GPT2: variants seen among roughly 807,000 people sequenced by gnomAD.
GPT2 encodes the protein alanine aminotransferase 2.
Under a neutral mutation model 56.9 loss-of-function variants are expected in GPT2, and 30 were observed. That is an observed-to-expected ratio of 0.53 (90% CI 0.39 to 0.72). The LOEUF is 0.72. Among genes scored for constraint, GPT2 ranks in the 30% least tolerant of loss-of-function variants. The probability of loss-of-function intolerance (pLI) is 0.00; values close to 1 mark genes in which losing one functional copy is unlikely to be tolerated. For synonymous variants in GPT2, 271 were observed against 283.1 expected (o/e 0.96, Z 0.43); for missense variants, 542 against 703.4 (o/e 0.77, Z 2.60).
intron 11 of GPT2, 102 bp from the exon 12 acceptor site, chr16:46,928,805 G>A (rs1961470214): frequency 4.7e-6 from 4 of 842,162 alleles, no homozygotes; most frequent in South Asian, 2.8e-5. Context: ...AGCAGACCAG[G>A]CAGACCTCCC....
rs1039209618 is a variant in GPT2, at chr16:46,884,403, G to A, written c.-87G>A. The A allele has an allele frequency of 8.6e-5, 19 of 219,844 alleles. No homozygotes were observed. Among genetic ancestry groups the A allele is most frequent in the African/African-American group, 3.9e-4 (17 of 43,630 alleles). The allele number at this position is 219,844 out of a possible 1,614,324, so 13.6% of individuals were successfully genotyped here. A position where few individuals can be genotyped will look rare whatever the true frequency, so the allele number is the denominator to read the frequency against. On this transcript the variant is annotated 5_prime_UTR_variant, in exon 1 of 12. Coordinates refer to ENST00000340124, the MANE Select transcript of GPT2 (RefSeq NM_133443.4). ...GCGGGGATGCGGCTGTGGGCGCCGG[G>A]GCCGGGTAGCTGCTCCAGGCGCGCG...
intron 1 of GPT2, 108 bp from the exon 2 acceptor site, chr16:46,884,586 C>T: frequency 1.7e-6 from 2 of 1,185,004 alleles, no homozygotes; most frequent in Non-Finnish European, 2.1e-6. Context: ...GCGCCGAAGC[C>T]AGGCTGGCAC....
intron 3 of GPT2, 72 bp downstream of exon 3, chr16:46,897,809 T>C: frequency 1.5e-6 from 2 of 1,313,208 alleles, no homozygotes; most frequent in Non-Finnish European, 2.2e-6. Context: ...ATAGGGGCCG[T>C]CCTCTGCCCC....
At chr16:46,893,627 C>T (rs1960626229) in intron 2 of GPT2, among the ~76,000 whole-genome samples, 1 of 152,144 alleles carries the variant, frequency 6.6e-6, no homozygotes, top group Admixed American at 6.5e-5. Flanking sequence ...CAGTTATTCT[C>T]CCTGCTAACA....
chr16:46,924,288 C>A, intron 9 of GPT2, 101 bp from the exon 10 acceptor site: 1 of 1,333,688 alleles, frequency 7.5e-7, no homozygotes. Context: ...GGAGCAAAGT[C>A]ATCATCTGGG....
At chr16:46,889,504 C>G (rs1170881105) in intron 2 of GPT2, among the ~76,000 whole-genome samples, 1 of 152,184 alleles carries the variant, frequency 6.6e-6, no homozygotes, top group East Asian at 1.9e-4. Context: ...ATCCTCCCAC[C>G]TCAGCCTCCC....
chr16:46,928,498 CTG>C (rs1206110502), intron 11 of GPT2, among the ~76,000 whole-genome samples: 1 of 151,820 alleles, frequency 6.6e-6, no homozygotes, highest in African/African-American at 2.4e-5. Context: ...TGGCAGGCAT[CTG>C]TAATCCCAGC....
At chr16:46,898,364 A>T (rs566807630) in intron 3 of GPT2, among the ~76,000 whole-genome samples, 1 of 152,038 alleles carries the variant, frequency 6.6e-6, no homozygotes, top group African/African-American at 2.4e-5. Flanking sequence ...GGCGGCTTCC[A>T]TGTTTCAGTC....
intron 3 of GPT2, 54 bp downstream of exon 3, chr16:46,897,791 G>C: frequency 1.3e-6 from 2 of 1,543,806 alleles, no homozygotes; most frequent in African/African-American, 2.7e-5. Flanking sequence ...TGGGCTGGGC[G>C]GGCCGTCATA....
chr16:46,927,164 C>T (rs1961434751), intron 11 of GPT2, 127 bp downstream of exon 11: 4 of 536,974 alleles, frequency 7.4e-6, no homozygotes, highest in Non-Finnish European at 1.3e-5. Flanking sequence ...CTCGAGTCAC[C>T]CCTACTCTGT....
At position 46,927,057 on chromosome 16, in the gene GPT2, C is replaced by G. The variant is rs765847873; in HGVS notation, c.1481+20C>G. On this transcript the variant is annotated intron_variant, in intron 11 of 11. Coordinates refer to ENST00000340124, the MANE Select transcript of GPT2 (RefSeq NM_133443.4). Reference sequence around the variant, plus strand: ...CTTCAGGTATGACTTCCTCTCCGCACTAGGGGCTGGTCCGGGTCTTGTCCA... The same window carrying G: ...CTTCAGGTATGACTTCCTCTCCGCAGTAGGGGCTGGTCCGGGTCTTGTCCA... 5.5e-5 allele frequency: 81 copies of G among 1,479,530 alleles called. No homozygotes were observed. The highest frequency in any genetic ancestry group is 7.0e-5 in the Non-Finnish European group (76 of 1,079,688). The allele number at this position is 1,479,530 out of a possible 1,614,324, so 91.7% of individuals were successfully genotyped here.
At position 46,909,699 on chromosome 16, in the gene GPT2, C is replaced by G; in HGVS notation, c.592C>G (p.Leu198Val). The change falls in exon 6 of 12, where the codon CTC becomes GTC. Residue 198 changes from leucine (L) to valine (V), a missense_variant. Physicochemically the swap from Leu to Val is conservative, Grantham distance 32. Coordinates refer to ENST00000340124, the MANE Select transcript of GPT2 (RefSeq NM_133443.4). ...SDGISTILKI[L>V]VSGGGKSRTG... ...TCTGTTGCAGACGATCCTGAAGATC[C>G]TCGTCTCCGGGGGCGGCAAGTCACG... is the stretch of plus-strand genomic sequence containing the variant. 6.2e-7 allele frequency: 1 copy of G among 1,613,568 alleles called. No individual in the cohort carries two copies. Among genetic ancestry groups the G allele is most frequent in the South Asian group, 1.1e-5 (1 of 91,044 alleles).
intron 2 of GPT2, among the ~76,000 whole-genome samples, chr16:46,896,560 G>T (rs548729758): frequency 3.3e-5 from 5 of 152,168 alleles, no homozygotes; most frequent in African/African-American, 4.8e-5. Context: ...TTCCGATGGG[G>T]AGGGTGTCCT....
At chr16:46,893,784 A>G (rs894615759) in intron 2 of GPT2, among the ~76,000 whole-genome samples, 1 of 152,094 alleles carries the variant, frequency 6.6e-6, no homozygotes, top group Non-Finnish European at 1.5e-5. Context: ...TGGGAGGGAT[A>G]TGTGCAGGTG....
At chr16:46,910,724 T>A (rs1961033538) in intron 6 of GPT2, among the ~76,000 whole-genome samples, 1 of 152,138 alleles carries the variant, frequency 6.6e-6, no homozygotes, top group Non-Finnish European at 1.5e-5. Context: ...GCCTCCTGAG[T>A]AGCTCAGACT....
intron 7 of GPT2, among the ~76,000 whole-genome samples, chr16:46,916,960 A>G (rs1178625929): frequency 6.6e-6 from 1 of 152,192 alleles, no homozygotes; most frequent in African/African-American, 2.4e-5. Flanking sequence ...AAAAGGAAAA[A>G]GAAAAAATGC....
chr16:46,929,088 G>A lies in GPT2; in HGVS notation c.*91G>A. 1.0e-6 allele frequency: 1 copy of A among 997,428 alleles called. No individual in the cohort carries two copies. Among genetic ancestry groups the A allele is most frequent in the Non-Finnish European group, 1.6e-6 (1 of 629,648 alleles). 61.8% of individuals were successfully genotyped at this position (997,428 alleles called of 1,614,324 possible). ...TCGCCTCCCCCGTGACTCTGCCTCG[G>A]GCCTCGCAGAGGCCGCTGGTCACTT... On this transcript the variant is annotated 3_prime_UTR_variant, in exon 12 of 12. Coordinates refer to ENST00000340124, the MANE Select transcript of GPT2 (RefSeq NM_133443.4).
chr16:46,903,816 A>G (rs1216742345), intron 4 of GPT2, among the ~76,000 whole-genome samples: 3 of 152,220 alleles, frequency 2.0e-5, no homozygotes, highest in African/African-American at 4.8e-5. Flanking sequence ...TCACAAAGCT[A>G]TCAGATTTGG....
intron 11 of GPT2, among the ~76,000 whole-genome samples, chr16:46,927,716 T>C (rs1248517643): frequency 6.6e-6 from 1 of 151,862 alleles, no homozygotes; most frequent in East Asian, 1.9e-4. Flanking sequence ...TTAGGCAAGG[T>C]TGTGGGTTGT....
Sources: allele counts gnomAD v4.1 joint callset (sites outside exome capture counted in the v4.1 genomes callset), GRCh38; gene constraint gnomAD v4.1.1; transcripts MANE v1.5; gene names NCBI Gene and HGNC (gene_info 2026-07-23, HGNC 2026-07-21).